Variants in PRKCB observed in about 807,000 individuals in gnomAD.
PRKCB encodes protein kinase C beta type.
A neutral mutation model predicts 81.5 loss-of-function variants in PRKCB; 13 were observed. The ratio of observed to expected loss-of-function variants is 0.16; its 90% CI spans 0.10 to 0.25. The LOEUF is 0.25. PRKCB is among the 10% of genes least tolerant of loss of function. The pLI is 1.00. For synonymous variants in PRKCB, 335 were observed against 321.4 expected (o/e 1.04, Z -0.45); for missense variants, 509 against 875.7 (o/e 0.58, Z 5.29).
chr16:24,151,632 T>G, intron 9 of PRKCB: 1 of 361,296 alleles, frequency 2.8e-6, no homozygotes, highest in Non-Finnish European at 5.5e-6. Flanking sequence ...ATCTCAGATT[T>G]TCAAAGCAGT....
chr16:24,085,917 G>T (rs1251630173), intron 5 of PRKCB, among the ~76,000 whole-genome samples: 1 of 152,202 alleles, frequency 6.6e-6, no homozygotes, highest in Non-Finnish European at 1.5e-5. Flanking sequence ...AATTAGATGT[G>T]TGATAACTGT....
chr16:23,852,021 ATTCTTTAGGGTT>A (rs1397844860), intron 2 of PRKCB, among the ~76,000 whole-genome samples: 4 of 152,158 alleles, frequency 2.6e-5, no homozygotes, highest in Admixed American at 1.3e-4. Flanking sequence ...TTTTTAGTGG[ATTCTTTAGGGTT>A]TTCTGTATAT....
intron 1 of PRKCB, chr16:23,837,097 G>T (rs1597201842): frequency 3.8e-6 from 2 of 520,276 alleles, no homozygotes; most frequent in East Asian, 3.7e-5. Context: ...TACATCTGTC[G>T]CCTGCCTTCA....
At chr16:24,185,051 C>A in intron 13 of PRKCB, 60 bp from the exon 14 acceptor site, 1 of 1,371,824 alleles carries the variant, frequency 7.3e-7, no homozygotes, top group South Asian at 1.2e-5. Flanking sequence ...AGAGTGAAAT[C>A]TGTCTCCAGA....
rs1243976959 is a variant in PRKCB at position 24,217,503 on chromosome 16, C to T, written c.*2687C>T. Reference sequence around the variant, plus strand: ...ACATGGCTTCAGATGCTATCAACCTCAAAGAAATGATCTCAACAGAGAAGC... The same window carrying T: ...ACATGGCTTCAGATGCTATCAACCTTAAAGAAATGATCTCAACAGAGAAGC... On this transcript the variant is annotated 3_prime_UTR_variant, in exon 17 of 17. Coordinates refer to ENST00000643927, the MANE Select transcript of PRKCB (RefSeq NM_002738.7). 1.0e-6 allele frequency: 1 copy of T among 985,310 alleles called. No individual in the cohort carries two copies. The highest frequency in any genetic ancestry group is 1.2e-6 in the Non-Finnish European group (1 of 829,948). The allele number at this position is 985,310 out of a possible 1,614,324, so 61.0% of individuals were successfully genotyped here.
chr16:24,003,764 T>C (rs1172687992), intron 3 of PRKCB, among the ~76,000 whole-genome samples: 2 of 152,322 alleles, frequency 1.3e-5, no homozygotes, highest in African/African-American at 2.4e-5. Flanking sequence ...CGAACTCTTA[T>C]AACCTCAGAC....
At chr16:23,863,178 ATGTG>A in intron 2 of PRKCB, among the ~76,000 whole-genome samples, 1 of 70,580 alleles carries the variant, frequency 1.4e-5, no homozygotes, top group Non-Finnish European at 2.8e-5. Flanking sequence ...ATATGTATAT[ATGTG>A]TATACATACA....
chr16:23,904,651 A>C (rs185809674), intron 2 of PRKCB, among the ~76,000 whole-genome samples: 17 of 152,294 alleles, frequency 1.1e-4, no homozygotes, highest in South Asian at 6.2e-4. Flanking sequence ...TGACAGAGCG[A>C]GTCTTCATCT....
intron 5 of PRKCB, among the ~76,000 whole-genome samples, chr16:24,062,720 C>G (rs1965988551): frequency 6.6e-6 from 1 of 152,298 alleles, no homozygotes; most frequent in African/African-American, 2.4e-5. Flanking sequence ...CCCTCCAGCA[C>G]TCTGGCAGCC....
intron 3 of PRKCB, among the ~76,000 whole-genome samples, chr16:23,989,914 G>A (rs971606265): frequency 1.3e-5 from 2 of 152,174 alleles, no homozygotes; most frequent in Non-Finnish European, 2.9e-5. Flanking sequence ...ACCTGGGAAA[G>A]AGTCTAGGAA....
chr16:23,912,051 C>T (rs557786959), intron 2 of PRKCB, among the ~76,000 whole-genome samples: 22 of 151,600 alleles, frequency 1.5e-4, no homozygotes, highest in African/African-American at 3.9e-4. Context: ...ACGCTAGTCT[C>T]GAACTCCTGA....
At position 24,035,490 on chromosome 16, in the gene PRKCB, C is replaced by T. The variant is rs779838345; in HGVS notation, c.472C>T (p.Arg158Cys). Residue 158 changes from arginine to cysteine, a missense_variant, in exon 5 of 17, where the codon CGC (arginine) becomes TGC (cysteine). This residue lies in a region of PRKCB where 184 missense variants were observed against 362.9 expected (regional missense o/e 0.51). Transcript: ENST00000643927. Reference sequence around the variant, plus strand: ...CCTGTGTGGCACGGACCACACGGAGCGCCGCGGCCGCATCTACATCCAGGC... The same window carrying T: ...CCTGTGTGGCACGGACCACACGGAGTGCCGCGGCCGCATCTACATCCAGGC... The part of the protein sequence containing the change: ...PSLCGTDHTE[R>C]RGRIYIQAHI... 6.2e-7 allele frequency: 1 copy of T among 1,614,170 alleles called. No individual in the cohort carries two copies. The highest frequency in any genetic ancestry group is 8.5e-7 in the Non-Finnish European group (1 of 1,180,014).
At chr16:23,863,456 T>C (rs1163306252) in intron 2 of PRKCB, among the ~76,000 whole-genome samples, 2 of 152,100 alleles carry the variant, frequency 1.3e-5, no homozygotes, top group Non-Finnish European at 2.9e-5. Flanking sequence ...GAACCCTTTC[T>C]TGGGGTCTGG....
intron 7 of PRKCB, among the ~76,000 whole-genome samples, chr16:24,105,171 C>A (rs1421674330): frequency 6.6e-6 from 1 of 151,928 alleles, no homozygotes; most frequent in Non-Finnish European, 1.5e-5. Context: ...ATTTTTCTGC[C>A]TCAGCCTCCC....
chr16:24,189,211 T>C (rs1216853744), intron 15 of PRKCB, among the ~76,000 whole-genome samples: 1 of 152,248 alleles, frequency 6.6e-6, no homozygotes, highest in Non-Finnish European at 1.5e-5. Flanking sequence ...TTACTGACTC[T>C]ACCACTTCCT....
At chr16:24,114,882 T>C (rs1966718695) in intron 8 of PRKCB, among the ~76,000 whole-genome samples, 1 of 151,938 alleles carries the variant, frequency 6.6e-6, no homozygotes, top group East Asian at 1.9e-4. Context: ...AAAGACCATG[T>C]AAAGTCCTGG....
intron 2 of PRKCB, chr16:23,893,515 G>T (rs1232439459): frequency 2.0e-5 from 3 of 152,124 alleles, no homozygotes; most frequent in African/African-American, 7.2e-5. Context: ...TTCAATGACT[G>T]TTTGTAAGTT....
At chr16:23,984,893 A>G (rs1221582450) in intron 2 of PRKCB, among the ~76,000 whole-genome samples, 5 of 152,208 alleles carry the variant, frequency 3.3e-5, no homozygotes, top group Non-Finnish European at 7.3e-5. Context: ...CATGTTGAAT[A>G]AAAGGGAAAG....
intron 5 of PRKCB, among the ~76,000 whole-genome samples, chr16:24,075,658 A>G (rs2141888266): frequency 6.6e-6 from 1 of 152,356 alleles, no homozygotes; most frequent in East Asian, 1.9e-4. Context: ...TCCTATCTGT[A>G]GGAACAACGA....
Sources: gnomAD v4.1 joint callset for allele counts (sites outside exome capture counted in the v4.1 genomes callset) on GRCh38, gnomAD v4.1.1 for gene constraint, gnomAD v4.1.1 regional missense constraint, MANE v1.5 for transcripts, NCBI Gene and HGNC (gene_info 2026-07-23, HGNC 2026-07-21) for gene names.